The following TULP3 variants were observed in gnomAD, a reference collection of about 807,000 sequenced individuals.
TULP3 encodes the protein tubby-related protein 3.
Under a neutral mutation model 50.7 loss-of-function variants are expected in TULP3, and 38 were observed. The observed-to-expected ratio is 0.75, with a 90% CI of 0.58 to 0.98. The LOEUF is 0.98. Ranked by LOEUF, TULP3 falls within the 50% of genes least tolerant of loss-of-function variation. The pLI, the probability that TULP3 is intolerant of heterozygous loss-of-function variation, is 0.00. For missense variants in TULP3, 550 were observed against 568.0 expected (o/e 0.97, Z 0.32); for synonymous variants, 183 against 196.6 (o/e 0.93, Z 0.58).
At chr12:2,917,347 C>G (rs910223449) in intron 2 of TULP3, among the ~76,000 whole-genome samples, 8 of 152,066 alleles carry the variant, frequency 5.3e-5, no homozygotes, top group Admixed American at 4.6e-4. Context: ...TGGGGTGCAC[C>G]TGTAATCCCC....
chr12:2,897,308 C>A (rs2098176113), intron 1 of TULP3, among the ~76,000 whole-genome samples: 1 of 151,988 alleles, frequency 6.6e-6, no homozygotes, highest in South Asian at 2.1e-4. Flanking sequence ...CTACGCCCAG[C>A]CTAAAGATTT....
chr12:2,915,071 C>T (rs575486284), intron 2 of TULP3, among the ~76,000 whole-genome samples: 40 of 152,210 alleles, frequency 2.6e-4, no homozygotes, highest in Non-Finnish European at 4.7e-4. Flanking sequence ...TCACTGCAAC[C>T]TCTGCCTCTC....
At chr12:2,933,068 G>A (rs1029241477) in intron 6 of TULP3, among the ~76,000 whole-genome samples, 2 of 151,990 alleles carry the variant, frequency 1.3e-5, no homozygotes, top group African/African-American at 4.8e-5. Context: ...TCAGCCTCCT[G>A]AGTAGCTGGG....
chr12:2,899,345 C>CAA (rs55818833), intron 1 of TULP3, among the ~76,000 whole-genome samples: 4,508 of 82,766 alleles, frequency 0.054, 232 homozygotes, highest in Middle Eastern at 0.064. Context: ...AACGACGTCT[C>CAA]AAAAAAAAAA....
intron 1 of TULP3, among the ~76,000 whole-genome samples, chr12:2,907,590 G>A (rs1409939294): frequency 6.6e-6 from 1 of 151,892 alleles, no homozygotes; most frequent in Non-Finnish European, 1.5e-5. Context: ...GGAGGTTGCA[G>A]TGAGATGAGT....
chr12:2,932,949 TA>T lies in TULP3; in HGVS notation c.697-468del, dbSNP rs200209009. ...AGTGAATTATTTTATTTTTATTTTT[TA>T]TTTTTTTTTTGAGACAGAGTCTCAT... On this transcript the variant is annotated intron_variant, in intron 6 of 10. Transcript: ENST00000448120. Among the ~76,000 whole-genome samples, 62 of 150,822 alleles carry T rather than the reference TA, an allele frequency of 4.1e-4. 4 individuals carry two copies. The South Asian group carries it at 5.2e-3, about 13-fold the overall frequency.
At chr12:2,929,497 A>C (rs1211085231) in intron 4 of TULP3, among the ~76,000 whole-genome samples, 1 of 152,198 alleles carries the variant, frequency 6.6e-6, no homozygotes, top group Non-Finnish European at 1.5e-5. Flanking sequence ...CTTTTTATGG[A>C]GACAGGTCTC....
intron 2 of TULP3, among the ~76,000 whole-genome samples, chr12:2,917,421 G>A (rs946741508): frequency 5.3e-5 from 8 of 151,468 alleles, no homozygotes; most frequent in South Asian, 4.2e-4. Flanking sequence ...GCAGTGAGCC[G>A]AGATCGCACC....
chr12:2,939,352 G>A lies in TULP3; in HGVS notation c.1237G>A (p.Val413Met), dbSNP rs773320390. ...GCAGTTTGGACGTGTGGCAGATGAC[G>A]TGTTCACACTGGATTACAACTACCC... is the stretch of plus-strand genomic sequence containing the variant. Reference protein sequence around the residue: ...VMQFGRVADDVFTLDYNYPLC... With the variant: ...VMQFGRVADDMFTLDYNYPLC... The change falls in exon 11 of 11, where the codon GTG becomes ATG. Residue 413 changes from valine (V) to methionine (M), a missense_variant. Physicochemically the swap from Val to Met is conservative, Grantham distance 21. Coordinates refer to ENST00000448120, the MANE Select transcript of TULP3 (RefSeq NM_003324.5). This position sits in a 1 kb window ranked among gnomAD's most constrained non-coding sequence, Gnocchi z 4.0. The A allele has an allele frequency of 1.7e-5, 27 of 1,614,088 alleles. No individual in the cohort carries two copies. Among genetic ancestry groups the A allele is most frequent in the Admixed American group, 8.3e-5 (5 of 60,006 alleles).
At chr12:2,928,607 AT>A (rs879883980) in intron 4 of TULP3, among the ~76,000 whole-genome samples, 7 of 150,354 alleles carry the variant, frequency 4.7e-5, no homozygotes, top group Admixed American at 3.3e-4. Context: ...GCATCATTGA[AT>A]TTTTTTTTTA....
intron 1 of TULP3, among the ~76,000 whole-genome samples, chr12:2,903,170 ATTTTTAAAGG>A (rs781485701): frequency 6.1e-4 from 93 of 152,100 alleles, no homozygotes; most frequent in African/African-American, 2.2e-3. Context: ...TAGCAGTGGG[ATTTTTAAAGG>A]TAGCCAGTCC....
chr12:2,934,333 A>T (rs776945403), intron 7 of TULP3, 114 bp from the exon 8 acceptor site: 1 of 599,952 alleles, frequency 1.7e-6, no homozygotes, highest in Non-Finnish European at 2.8e-6. Flanking sequence ...GTGATGATGA[A>T]CATTGAGACA....
chr12:2,930,398 C>A, intron 5 of TULP3, 53 bp downstream of exon 5: 1 of 1,126,192 alleles, frequency 8.9e-7, no homozygotes, highest in Non-Finnish European at 1.3e-6. Context: ...CTTTCTCAAA[C>A]ATATCTTCAG....
At chr12:2,923,861 T>C (rs1170277537) in intron 4 of TULP3, among the ~76,000 whole-genome samples, 1 of 151,244 alleles carries the variant, frequency 6.6e-6, no homozygotes, top group African/African-American at 2.4e-5. Context: ...ACACCTGTAG[T>C]CCCAGCTACT....
chr12:2,905,021 G>T (rs1259527780), intron 1 of TULP3, among the ~76,000 whole-genome samples: 3 of 150,274 alleles, frequency 2.0e-5, no homozygotes, highest in African/African-American at 7.3e-5. Context: ...GGAGGTGGAG[G>T]TTGCAGTGAG....
intron 1 of TULP3, among the ~76,000 whole-genome samples, chr12:2,898,079 CAA>C (rs59718569): frequency 2.0e-4 from 19 of 93,178 alleles, no homozygotes; most frequent in Admixed American, 4.1e-4. Context: ...AACTAGATCT[CAA>C]AAAAAAAAAA....
chr12:2,916,603 C>T (rs772150729), intron 2 of TULP3, among the ~76,000 whole-genome samples: 5 of 152,182 alleles, frequency 3.3e-5, no homozygotes, highest in Non-Finnish European at 7.3e-5. Flanking sequence ...CCCTGACTTA[C>T]TCTATCTTGG....
In TULP3 at chr12:2,907,423, C is replaced by G; in HGVS notation, c.42-2106C>G. Among the ~76,000 whole-genome samples, 3 of 147,294 alleles carry G rather than the reference C, an allele frequency of 2.0e-5. No individual in the cohort carries two copies. The Middle Eastern group carries it at 0.011, about 519-fold the overall frequency. On this transcript the variant is annotated intron_variant, in intron 1 of 10. Coordinates refer to ENST00000448120, the MANE Select transcript of TULP3 (RefSeq NM_003324.5). ...CTGGGAGGCAGAGGTTGCAGTGAGC[C>G]GAGATCGTGCCACTGCACTCCAGCC...
rs746323357 is a variant in TULP3 at position 2,931,191 on chromosome 12, G to A, written c.647G>A (p.Gly216Asp). 1 of 1,614,222 alleles carries A rather than the reference G, an allele frequency of 6.2e-7. No individual in the cohort carries two copies. The highest frequency in any genetic ancestry group is 8.5e-7 in the Non-Finnish European group (1 of 1,180,042). ...CGGGATAAAAGGGGAATGGATCGGGGTCTCTTCCCCACCTACTATATGTAC... is the reference window on the plus strand; with the variant it reads ...CGGGATAAAAGGGGAATGGATCGGGATCTCTTCCCCACCTACTATATGTAC... ...IIRDKRGMDR[G>D]LFPTYYMYLE... Residue 216 changes from glycine to aspartate, a missense_variant, in exon 6 of 11, where the codon GGT (glycine) becomes GAT (aspartate). Coordinates refer to ENST00000448120, the MANE Select transcript of TULP3 (RefSeq NM_003324.5).
Sources: gnomAD v4.1 joint callset for allele counts (sites outside exome capture counted in the v4.1 genomes callset) on GRCh38, gnomAD v4.1.1 for gene constraint, Gnocchi (gnomAD v3.1) non-coding constraint, MANE v1.5 for transcripts, NCBI Gene and HGNC (gene_info 2026-07-23, HGNC 2026-07-21) for gene names.